The following DIP2B variants were observed in gnomAD, a reference collection of about 807,000 sequenced individuals.
The protein encoded by DIP2B is disco-interacting protein 2 homolog B.
DIP2B carries 76 observed loss-of-function variants against 198.0 expected under a neutral mutation model. The observed-to-expected ratio is 0.38, with a 90% CI of 0.32 to 0.46. The LOEUF is 0.46. Ranked by LOEUF, DIP2B falls within the 20% of genes least tolerant of loss-of-function variation. The pLI, the probability that DIP2B is intolerant of heterozygous loss-of-function variation, is 0.99. For synonymous variants in DIP2B, 701 were observed against 739.1 expected, an observed-to-expected ratio of 0.95 and a Z score of 0.84; for missense variants, 1,559 against 1,978.4, an observed-to-expected ratio of 0.79 and a Z score of 4.02.
intron 1 of DIP2B, among the ~76,000 whole-genome samples, chr12:50,520,465 T>C (rs1958107510): frequency 6.6e-6 from 1 of 152,184 alleles, no homozygotes; most frequent in African/African-American, 2.4e-5. Context: ...CATTCATGAT[T>C]TATTTGACTT....
intron 31 of DIP2B, 130 bp downstream of exon 31, chr12:50,731,667 G>C (rs960539587): frequency 1.7e-6 from 2 of 1,150,212 alleles, no homozygotes; most frequent in African/African-American, 1.5e-5. Context: ...GTTAAAAAAG[G>C]GTGTATTTTA....
chr12:50,682,003 G>A (rs768220060), intron 9 of DIP2B, among the ~76,000 whole-genome samples: 20 of 152,172 alleles, frequency 1.3e-4, no homozygotes, highest in Admixed American at 4.6e-4. Flanking sequence ...AGCAAAAGAA[G>A]GGGAAACAAG....
intron 7 of DIP2B, among the ~76,000 whole-genome samples, chr12:50,678,058 A>G (rs1000126000): frequency 6.6e-6 from 1 of 150,394 alleles, no homozygotes; most frequent in African/African-American, 2.5e-5. Flanking sequence ...AGGATGAGGA[A>G]GAGTTCACCA....
chr12:50,733,778 A>ATTTCAGGTCTTCTGTGACCTTCTTC (rs1940090082), intron 32 of DIP2B, among the ~76,000 whole-genome samples: 1 of 151,958 alleles, frequency 6.6e-6, no homozygotes, highest in Non-Finnish European at 1.5e-5. Context: ...TGGGTGGATT[A>ATTTCAGGTCTTCTGTGACCTTCTTC]TTTCAGGTCT....
intron 27 of DIP2B, 89 bp from the exon 28 acceptor site, chr12:50,724,686 C>A: frequency 1.9e-6 from 2 of 1,059,270 alleles, no homozygotes; most frequent in Non-Finnish European, 1.5e-6. Flanking sequence ...CAGTGTGGTA[C>A]ATGAGTGGCT....
intron 1 of DIP2B, among the ~76,000 whole-genome samples, chr12:50,605,084 T>C (rs1287605297): frequency 6.6e-6 from 1 of 152,230 alleles, no homozygotes; most frequent in Non-Finnish European, 1.5e-5. Context: ...GCCTGTTTTC[T>C]AGATGACAGT....
chr12:50,663,872 TAAAAAAAAAA>T (rs397934701), intron 4 of DIP2B, among the ~76,000 whole-genome samples: 1 of 104,844 alleles, frequency 9.5e-6, no homozygotes, highest in African/African-American at 3.7e-5. Flanking sequence ...CCCATCTCTT[TAAAAAAAAAA>T]AAAAAAAAAA....
chr12:50,549,770 G>A (rs1046450016), intron 1 of DIP2B, among the ~76,000 whole-genome samples: 1 of 148,452 alleles, frequency 6.7e-6, no homozygotes, highest in Admixed American at 6.8e-5. Flanking sequence ...ATATGACATT[G>A]GTAGCCTGTT....
In DIP2B at chr12:50,698,304, A is replaced by G. The variant is rs199554381; in HGVS notation, c.2049-24A>G. On this transcript the variant is annotated intron_variant, in intron 17 of 37. Transcript: ENST00000301180. ...TCCCTTGATGTTATTTCATTCACCAAACTTGATGGGTTCTTCTTTTCAGGC... is the reference window on the plus strand; with the variant it reads ...TCCCTTGATGTTATTTCATTCACCAGACTTGATGGGTTCTTCTTTTCAGGC... The G allele has an allele frequency of 1.4e-5, 22 of 1,600,186 alleles. No individual in the cohort carries two copies. In the East Asian group the frequency reaches 1.6e-4, roughly 11 times the overall value.
intron 1 of DIP2B, among the ~76,000 whole-genome samples, chr12:50,576,558 A>C (rs1324811949): frequency 6.6e-6 from 1 of 151,604 alleles, no homozygotes; most frequent in South Asian, 2.1e-4. Flanking sequence ...GGCTCACTGC[A>C]AACTCCACCT....
At chr12:50,559,313 C>CTTTTTTTT (rs11301460) in intron 1 of DIP2B, among the ~76,000 whole-genome samples, 5 of 123,026 alleles carry the variant, frequency 4.1e-5, no homozygotes, top group Middle Eastern at 4.0e-3. Context: ...AATTATTTGT[C>CTTTTTTTT]TTTTTTTTTT....
intron 1 of DIP2B, among the ~76,000 whole-genome samples, chr12:50,513,764 CTCGGG>C (rs1350186853): frequency 1.3e-5 from 2 of 151,764 alleles, no homozygotes; most frequent in Non-Finnish European, 2.9e-5. Flanking sequence ...ATCCCAACTA[CTCGGG>C]AGGCTGTGGC....
At chr12:50,630,101 C>A (rs985558256) in intron 2 of DIP2B, among the ~76,000 whole-genome samples, 2 of 151,888 alleles carry the variant, frequency 1.3e-5, no homozygotes, top group Admixed American at 6.6e-5. Flanking sequence ...AGGCATGTGC[C>A]ACCACGCCCA....
intron 3 of DIP2B, among the ~76,000 whole-genome samples, chr12:50,655,502 A>G (rs1747532568): frequency 6.6e-6 from 1 of 152,218 alleles, no homozygotes; most frequent in African/African-American, 2.4e-5. Flanking sequence ...TATAGAATAT[A>G]AACAAAAAAA....
At chr12:50,554,397 T>G (rs1424284536) in intron 1 of DIP2B, among the ~76,000 whole-genome samples, 1 of 152,198 alleles carries the variant, frequency 6.6e-6, no homozygotes, top group African/African-American at 2.4e-5. Context: ...CTTTTCTGCT[T>G]AGATTTTGTT....
intron 4 of DIP2B, among the ~76,000 whole-genome samples, chr12:50,666,724 A>C (rs1240149827): frequency 6.6e-6 from 1 of 152,140 alleles, no homozygotes; most frequent in African/African-American, 2.4e-5. Flanking sequence ...GGAACCTGTC[A>C]AAAAAGCTTG....
intron 1 of DIP2B, among the ~76,000 whole-genome samples, chr12:50,552,313 G>A (rs1446705697): frequency 6.6e-6 from 1 of 151,356 alleles, no homozygotes; most frequent in Non-Finnish European, 1.5e-5. Context: ...TGTCGCCCAG[G>A]CTGGAGTGCA....
chr12:50,592,661 A>G (rs955369514), intron 1 of DIP2B, among the ~76,000 whole-genome samples: 1 of 151,816 alleles, frequency 6.6e-6, no homozygotes, highest in East Asian at 1.9e-4. Flanking sequence ...TATTTTTAGT[A>G]GAGATGGGGT....
intron 25 of DIP2B, 55 bp from the exon 26 acceptor site, chr12:50,721,218 T>TA (rs879137006): frequency 1.3e-6 from 2 of 1,592,486 alleles, no homozygotes; most frequent in South Asian, 2.3e-5. Flanking sequence ...CTGTGCTTAT[T>TA]ACTGTTTATT....
Sources: gnomAD v4.1 joint callset for allele counts (sites outside exome capture counted in the v4.1 genomes callset) on GRCh38, gnomAD v4.1.1 for gene constraint, MANE v1.5 for transcripts, NCBI Gene and HGNC (gene_info 2026-07-23, HGNC 2026-07-21) for gene names.